The following PCDH15 variants were observed in gnomAD, a reference collection of about 807,000 sequenced individuals.
PCDH15 encodes the protein protocadherin related 15, also known as protocadherin-15.
In PCDH15, 129 loss-of-function variants were observed where a neutral mutation model predicts 178.5. The ratio of observed to expected loss-of-function variants is 0.72; its 90% CI spans 0.63 to 0.84. The LOEUF is 0.84. Among genes scored for constraint, PCDH15 ranks in the 40% least tolerant of loss-of-function variants. PCDH15 has a pLI of 0.00. For synonymous variants in PCDH15, 800 were observed against 732.0 expected (o/e 1.09, Z -1.50); for missense variants, 2,230 against 2,099.9 (o/e 1.06, Z -1.21).
At chr10:53,953,223 T>A (rs1004761207) in intron 23 of PCDH15, among the ~76,000 whole-genome samples, 1 of 152,216 alleles carries the variant, frequency 6.6e-6, no homozygotes, top group East Asian at 1.9e-4. Flanking sequence ...AGATATATAT[T>A]TCAAAAGTTT....
At chr10:55,392,805 TATAA>T (rs1837828751) in intron 2 of PCDH15, among the ~76,000 whole-genome samples, 1 of 152,144 alleles carries the variant, frequency 6.6e-6, no homozygotes, top group African/African-American at 2.4e-5. Context: ...TGCAAATTAA[TATAA>T]ATAAATAACA....
At chr10:54,927,549 C>T (rs372539579) in intron 2 of PCDH15, among the ~76,000 whole-genome samples, 7 of 140,992 alleles carry the variant, frequency 5.0e-5, no homozygotes, top group African/African-American at 1.5e-4. Flanking sequence ...AAATCTTCTA[C>T]TATTATTGTG....
chr10:53,967,399 G>C (rs1161717683), intron 21 of PCDH15, among the ~76,000 whole-genome samples: 1 of 152,106 alleles, frequency 6.6e-6, no homozygotes, highest in Non-Finnish European at 1.5e-5. Flanking sequence ...TTAATACATA[G>C]CTGGAACTAC....
chr10:54,373,838 G>A (rs1948034828), intron 4 of PCDH15, among the ~76,000 whole-genome samples: 1 of 151,914 alleles, frequency 6.6e-6, no homozygotes, highest in Non-Finnish European at 1.5e-5. Context: ...TCTCTTAGTA[G>A]CACATAAAAT....
At position 54,048,641 on chromosome 10, in the gene PCDH15, T is replaced by C. The variant is rs554301294; in HGVS notation, c.2220+18116A>G. 2.6e-5 allele frequency among the ~76,000 whole-genome samples: 4 copies of C among 152,344 alleles called. No individual in the cohort carries two copies. In the East Asian group the frequency reaches 7.7e-4, roughly 29 times the overall value. On this transcript the variant is annotated intron_variant, in intron 18 of 37. Transcript: ENST00000644397. ...GGATAGCCAGTTATCCCAACATTTA[T>C]TGAATAGGAAGTCCTTTTCTGATTG... is the stretch of plus-strand genomic sequence containing the variant.
At chr10:54,206,655 A>G (rs1273298922) in intron 10 of PCDH15, among the ~76,000 whole-genome samples, 1 of 152,094 alleles carries the variant, frequency 6.6e-6, no homozygotes, top group Non-Finnish European at 1.5e-5. Flanking sequence ...TAAAAATTAT[A>G]TCTAAATCGT....
intron 2 of PCDH15, among the ~76,000 whole-genome samples, chr10:55,529,766 T>A (rs1459901178): frequency 7.2e-6 from 1 of 138,342 alleles, no homozygotes; most frequent in Non-Finnish European, 1.6e-5. Flanking sequence ...TATATATATA[T>A]ATATATATAT....
At chr10:54,913,025 T>C (rs1257870074) in intron 2 of PCDH15, among the ~76,000 whole-genome samples, 1 of 152,152 alleles carries the variant, frequency 6.6e-6, no homozygotes, top group Non-Finnish European at 1.5e-5. Context: ...AATTGGAACT[T>C]ATATGTAAAA....
At chr10:54,207,859 TTA>T (rs1402127430) in intron 10 of PCDH15, among the ~76,000 whole-genome samples, 2 of 152,126 alleles carry the variant, frequency 1.3e-5, no homozygotes, top group African/African-American at 4.8e-5. Context: ...CCATTCCCTC[TTA>T]TTTAGTGATA....
intron 13 of PCDH15, among the ~76,000 whole-genome samples, chr10:54,160,698 C>T (rs968381223): frequency 2.0e-5 from 3 of 152,072 alleles, no homozygotes; most frequent in African/African-American, 7.2e-5. Context: ...AGAATACTTA[C>T]CAGTCAGTAC....
rs748513997 is a variant in PCDH15, at chr10:54,826,531, A to ATG, written c.-29+70917_-29+70918dup. On this transcript the variant is annotated intron_variant, in intron 3 of 5. Coordinates refer to the PCDH15 transcript ENST00000458638. ...GTGGGGAATACATACATATATATGTATGTGTGTGTGTGTGTATATGTATAT... is the reference window on the plus strand; with the variant it reads ...GTGGGGAATACATACATATATATGTATGTGTGTGTGTGTGTGTATATGTATAT... Among the ~76,000 whole-genome samples, 381 of 151,030 alleles carry ATG rather than the reference A, an allele frequency of 2.5e-3. 2 individuals carry two copies. Among genetic ancestry groups the ATG allele is most frequent in the Middle Eastern group, 6.8e-3 (2 of 294 alleles).
At chr10:53,871,770 T>C (rs544458849) in intron 26 of PCDH15, among the ~76,000 whole-genome samples, 4 of 145,512 alleles carry the variant, frequency 2.7e-5, no homozygotes, top group African/African-American at 1.1e-4. Context: ...GTTTTGTTTT[T>C]GAGATGGAGT....
chr10:54,083,574 A>G (rs989041563), intron 16 of PCDH15, among the ~76,000 whole-genome samples: 1 of 152,208 alleles, frequency 6.6e-6, no homozygotes, highest in Admixed American at 6.5e-5. Flanking sequence ...TATTCAAAGT[A>G]GGTAACTTGA....
In PCDH15 at chr10:53,809,118, T is replaced by G. The variant is rs16937768; in HGVS notation, c.4671+1438A>C. 7.6e-4 allele frequency: 1,229 copies of G among 1,613,958 alleles called. 2 individuals are homozygous for G. In the African/African-American group the frequency reaches 0.015, roughly 19 times the overall value. The stretch of plus-strand genomic sequence containing the variant: ...CTCCTTCTGACTCTGTGGATTCCGA[T>G]TCTTCTGATTCAGGGGTGGAACTCT... On this transcript the variant is annotated intron_variant, in intron 37 of 37. Coordinates refer to ENST00000644397, the MANE Select transcript of PCDH15 (RefSeq NM_001384140.1).
At chr10:54,970,709 T>A (rs139788063) in intron 2 of PCDH15, among the ~76,000 whole-genome samples, 2 of 152,102 alleles carry the variant, frequency 1.3e-5, no homozygotes, top group Admixed American at 1.3e-4. Context: ...CTACCCTGGA[T>A]GGAATCATCA....
intron 1 of PCDH15, among the ~76,000 whole-genome samples, chr10:54,767,393 TAAATG>T (rs1591528744): frequency 1.3e-5 from 2 of 152,112 alleles, no homozygotes; most frequent in African/African-American, 4.8e-5. Context: ...GATCAATTAA[TAAATG>T]AGGGAGTAGA....
At chr10:55,481,950 T>C (rs910935871) in intron 2 of PCDH15, among the ~76,000 whole-genome samples, 1 of 151,862 alleles carries the variant, frequency 6.6e-6, no homozygotes, top group African/African-American at 2.4e-5. Context: ...CCCACTATAA[T>C]TGTGTGGTAG....
At chr10:54,779,413 T>C (rs1343198020) in intron 1 of PCDH15, among the ~76,000 whole-genome samples, 3,507 of 129,570 alleles carry the variant, frequency 0.027, 108 homozygotes, top group Non-Finnish European at 0.039. Context: ...TATGTATATA[T>C]ATATATATAC....
At chr10:54,661,906 C>T (rs1179795803) in intron 2 of PCDH15, among the ~76,000 whole-genome samples, 2 of 151,696 alleles carry the variant, frequency 1.3e-5, no homozygotes, top group African/African-American at 4.8e-5. Context: ...AAAATTAACT[C>T]GATGAATTGA....
Sources: allele counts gnomAD v4.1 joint callset (sites outside exome capture counted in the v4.1 genomes callset), GRCh38; gene constraint gnomAD v4.1.1; transcripts MANE v1.5; gene names NCBI Gene and HGNC (gene_info 2026-07-23, HGNC 2026-07-21).